The following RAB37 variants were observed in gnomAD, a reference collection of about 807,000 sequenced individuals.
RAB37 encodes the protein RAB37, member RAS oncogene family.
RAB37 carries 29 observed loss-of-function variants against 33.1 expected under a neutral mutation model. That is an observed-to-expected ratio of 0.88 (90% confidence interval 0.65 to 1.20). RAB37 has a LOEUF of 1.20. Ranked by LOEUF, RAB37 falls within the 50% of genes most tolerant of loss-of-function variation. RAB37 has a pLI of 0.00. For synonymous variants in RAB37, 128 were observed against 119.5 expected, an observed-to-expected ratio of 1.07 and a Z score of -0.47; for missense variants, 299 against 301.1, an observed-to-expected ratio of 0.99 and a Z score of 0.05.
intron 1 of RAB37, among the ~76,000 whole-genome samples, chr17:74,705,877 G>A (rs1038172749): frequency 6.6e-6 from 1 of 152,180 alleles, no homozygotes; most frequent in Admixed American, 6.5e-5. Context: ...TTACAGGCGG[G>A]CCCCACAACG....
At chr17:74,731,115 C>G (rs1414210911) in intron 2 of RAB37, among the ~76,000 whole-genome samples, 2 of 152,124 alleles carry the variant, frequency 1.3e-5, no homozygotes, top group East Asian at 3.9e-4. Context: ...CTGGGGACAC[C>G]TGAGCAAAGA....
chr17:74,694,780 G>A (rs1238914193), intron 1 of RAB37: 4 of 244,300 alleles, frequency 1.6e-5, no homozygotes, highest in South Asian at 1.2e-4. Flanking sequence ...ATTGTATTAC[G>A]ATAATGGTAC....
In RAB37 at chr17:74,729,126, T is replaced by C. The variant is rs2034352086; in HGVS notation, c.73-130T>C. On this transcript the variant is annotated intron_variant, in intron 1 of 7. Transcript: ENST00000340415. This position sits in a 1 kb window ranked among gnomAD's most constrained non-coding sequence, Gnocchi z 4.2. ...TGTGTCAGTGTCTTGTGTGTGTGTG[T>C]TTCTGTGTGTGTGTGTGCATGTTGT... 4.3e-6 allele frequency: 3 copies of C among 697,798 alleles called. No individual in the cohort carries two copies. Among genetic ancestry groups the C allele is most frequent in the Non-Finnish European group, 8.0e-6 (3 of 373,520 alleles). 43.2% of individuals were successfully genotyped at this position (697,798 alleles called of 1,614,324 possible).
At chr17:74,724,764 A>G (rs1177959575) in intron 1 of RAB37, among the ~76,000 whole-genome samples, 1 of 152,222 alleles carries the variant, frequency 6.6e-6, no homozygotes, top group African/African-American at 2.4e-5. Flanking sequence ...ATGACAAAGT[A>G]CATTGACCAG....
chr17:74,712,872 C>A, intron 1 of RAB37: 1 of 1,614,002 alleles, frequency 6.2e-7, no homozygotes, highest in Admixed American at 1.7e-5. Flanking sequence ...GGCATCTTCT[C>A]TTCAGACAGG....
At chr17:74,728,630 C>A (rs1468805396) in intron 1 of RAB37, among the ~76,000 whole-genome samples, 1 of 149,264 alleles carries the variant, frequency 6.7e-6, no homozygotes, top group African/African-American at 2.5e-5. Flanking sequence ...CCTCTGTATG[C>A]ATCTGTTTCT....
intron 1 of RAB37, among the ~76,000 whole-genome samples, chr17:74,686,714 C>T (rs1260557492): frequency 2.6e-5 from 4 of 152,114 alleles, no homozygotes; most frequent in Non-Finnish European, 5.9e-5. Context: ...TTTAAGCTGA[C>T]TTACTGTACC....
At chr17:74,728,752 C>A (rs974854171) in intron 1 of RAB37, among the ~76,000 whole-genome samples, 3 of 149,956 alleles carry the variant, frequency 2.0e-5, no homozygotes, top group South Asian at 4.2e-4. Flanking sequence ...TTTTCTGTGT[C>A]TGTATGTGTC....
chr17:74,725,368 C>T (rs1290983316), intron 1 of RAB37, among the ~76,000 whole-genome samples: 2 of 152,136 alleles, frequency 1.3e-5, no homozygotes, highest in East Asian at 1.9e-4. Flanking sequence ...CCCTGCAAAT[C>T]GTCACCCCTT....
At chr17:74,728,813 ATG>A (rs2034344912) in intron 1 of RAB37, among the ~76,000 whole-genome samples, 1 of 148,846 alleles carries the variant, frequency 6.7e-6, no homozygotes, top group African/African-American at 2.5e-5. Flanking sequence ...ACATGTGTAC[ATG>A]TGTTTTTCTG....
At chr17:74,727,417 G>A (rs1423363429) in intron 1 of RAB37, among the ~76,000 whole-genome samples, 3 of 152,234 alleles carry the variant, frequency 2.0e-5, no homozygotes, top group African/African-American at 7.2e-5. Flanking sequence ...AGGAAAGAGG[G>A]CAGAAAGGTT....
At chr17:74,688,007 T>C (rs989408835) in intron 1 of RAB37, among the ~76,000 whole-genome samples, 14 of 152,196 alleles carry the variant, frequency 9.2e-5, no homozygotes, top group Non-Finnish European at 1.3e-4. Flanking sequence ...ATGGTGACAA[T>C]GGATTGTTGA....
At chr17:74,721,112 A>G (rs1269853626) in intron 1 of RAB37, among the ~76,000 whole-genome samples, 1 of 152,178 alleles carries the variant, frequency 6.6e-6, no homozygotes, top group African/African-American at 2.4e-5. Flanking sequence ...TTTTATGGGT[A>G]CAGGGCTGGG....
intron 2 of RAB37, among the ~76,000 whole-genome samples, chr17:74,741,511 G>A (rs1020006372): frequency 6.6e-6 from 1 of 151,902 alleles, no homozygotes; most frequent in Admixed American, 6.5e-5. Context: ...GCTCAAATCC[G>A]GGTGGTGGAG....
At chr17:74,706,686 A>C (rs74614825) in intron 1 of RAB37, among the ~76,000 whole-genome samples, 2 of 152,202 alleles carry the variant, frequency 1.3e-5, no homozygotes, top group East Asian at 3.9e-4. Context: ...AAACAAAACA[A>C]AACAAAAACC....
At chr17:74,675,098 G>A (rs1425968077) in intron 1 of RAB37, among the ~76,000 whole-genome samples, 2 of 152,230 alleles carry the variant, frequency 1.3e-5, no homozygotes, top group African/African-American at 4.8e-5. Context: ...GGATGTTAGC[G>A]AATATAATGT....
At chr17:74,719,768 T>C (rs1311592858) in intron 1 of RAB37, among the ~76,000 whole-genome samples, 1 of 152,190 alleles carries the variant, frequency 6.6e-6, no homozygotes, top group Non-Finnish European at 1.5e-5. Context: ...CTCCTGCCTT[T>C]GGCCTCCCCA....
chr17:74,729,350 T>C lies in RAB37; in HGVS notation c.167T>C (p.Val56Ala). ...ATCCCCGGCTCCTTCTCGGCCACTG[T>C]GGGCATCGGATTCACGGTAAGCACT... is the stretch of plus-strand genomic sequence containing the variant. Residue 56 changes from valine (V) to alanine (A), a missense_variant, in exon 2 of 8, where the codon GTG becomes GCG. By Grantham distance (64) the Val-to-Ala change is moderately conservative. Coordinates refer to the RAB37 transcript ENST00000340415. The surrounding 1 kb of genome is among the most constrained non-coding windows in gnomAD (Gnocchi z 4.2). The C allele has an allele frequency of 6.2e-7, 1 of 1,613,838 alleles. No homozygotes were observed. Among genetic ancestry groups the C allele is most frequent in the Non-Finnish European group, 8.5e-7 (1 of 1,179,766 alleles).
rs559945000 is a variant in RAB37, at chr17:74,744,965, G to A, written c.489+36G>A. Reference sequence around the variant, plus strand: ...GTCTGTGGGACAGGGTGAAGGGTGGGGGCAACCCGACGCTGGCCCTGAGGA... The same window carrying A: ...GTCTGTGGGACAGGGTGAAGGGTGGAGGCAACCCGACGCTGGCCCTGAGGA... On this transcript the variant is annotated intron_variant, in intron 7 of 8. Transcript: ENST00000392613. This position sits in a 1 kb window ranked among gnomAD's most constrained non-coding sequence, Gnocchi z 4.2. 7.4e-6 allele frequency: 12 copies of A among 1,614,216 alleles called. No homozygotes were observed. The South Asian group carries it at 8.8e-5, about 12-fold the overall frequency.
Sources: allele counts gnomAD v4.1 joint callset (sites outside exome capture counted in the v4.1 genomes callset), GRCh38; gene constraint gnomAD v4.1.1; non-coding constraint Gnocchi (gnomAD v3.1); transcripts MANE v1.5; gene names NCBI Gene and HGNC (gene_info 2026-07-23, HGNC 2026-07-21).